NRG1: variants seen among roughly 807,000 people sequenced by gnomAD.
NRG1 encodes neuregulin 1.
A neutral mutation model predicts 63.8 loss-of-function variants in NRG1; 18 were observed. The ratio of observed to expected loss-of-function variants is 0.28; its 90% confidence interval spans 0.19 to 0.42. NRG1 has a LOEUF of 0.42. NRG1 is among the 10% of genes least tolerant of loss of function. The pLI is 1.00. For missense variants in NRG1, 762 were observed against 814.7 expected (o/e 0.94, Z 0.79); for synonymous variants, 302 against 301.3 (o/e 1.00, Z -0.02).
chr8:32,141,152 T>C (rs2131728836), intron 1 of NRG1, among the ~76,000 whole-genome samples: 1 of 152,228 alleles, frequency 6.6e-6, no homozygotes, highest in South Asian at 2.1e-4. Flanking sequence ...AAAAAATATG[T>C]AGTAGTGGAT....
chr8:32,123,354 A>T (rs1294704702), intron 1 of NRG1, among the ~76,000 whole-genome samples: 1 of 151,844 alleles, frequency 6.6e-6, no homozygotes, highest in East Asian at 1.9e-4. Context: ...TGATGATTTT[A>T]TAAAGGGGAG....
Position 32,243,996 on chromosome 8 carries a change from A to C in NRG1, c.38-351832A>C, listed in dbSNP as rs945602331. ...GTTCATTGTTTAAGCCACGCAGTCTATGGTATTTTGTTATAGCTGCCTGAG... is the reference window on the plus strand; with the variant it reads ...GTTCATTGTTTAAGCCACGCAGTCTCTGGTATTTTGTTATAGCTGCCTGAG... On this transcript the variant is annotated intron_variant, in intron 1 of 10. Transcript: ENST00000519301. 5.3e-5 allele frequency among the ~76,000 whole-genome samples: 8 copies of C among 152,110 alleles called. No individual in the cohort carries two copies. In the East Asian group the frequency reaches 1.4e-3, roughly 26 times the overall value.
chr8:31,639,512 GGCTCTCTCCCTCGC>G, intron 1 of NRG1: 2 of 1,515,842 alleles, frequency 1.3e-6, no homozygotes, highest in Non-Finnish European at 1.8e-6. Context: ...CCGCCTCCAG[GGCTCTCTCCCTCGC>G]GCTCTCTCCC....
intron 1 of NRG1, among the ~76,000 whole-genome samples, chr8:32,526,055 G>A (rs892433266): frequency 2.6e-5 from 4 of 152,266 alleles, no homozygotes; most frequent in South Asian, 4.1e-4. Context: ...CATAAACTTA[G>A]TTGCTTAAAA....
intron 1 of NRG1, among the ~76,000 whole-genome samples, chr8:32,044,586 A>G (rs998543309): frequency 6.6e-6 from 1 of 151,818 alleles, no homozygotes; most frequent in African/African-American, 2.4e-5. Context: ...TGGCAAGTTC[A>G]TGGAATTGAA....
intron 1 of NRG1, among the ~76,000 whole-genome samples, chr8:31,943,296 C>T (rs767048377): frequency 7.9e-5 from 12 of 152,130 alleles, no homozygotes; most frequent in Non-Finnish European, 1.0e-4. Flanking sequence ...GAAAACCAAA[C>T]GTTGTATGTT....
chr8:31,971,924 AC>A (rs988212244), intron 1 of NRG1, among the ~76,000 whole-genome samples: 1 of 151,984 alleles, frequency 6.6e-6, no homozygotes, highest in Non-Finnish European at 1.5e-5. Context: ...CAAATTTCTT[AC>A]TTGTAGATGG....
At chr8:31,959,612 A>C (rs1413335891) in intron 1 of NRG1, among the ~76,000 whole-genome samples, 1 of 152,132 alleles carries the variant, frequency 6.6e-6, no homozygotes, top group Non-Finnish European at 1.5e-5. Context: ...ATTCTAGCTC[A>C]TAGTTAATCT....
At chr8:32,413,457 T>G (rs957713359) in intron 1 of NRG1, among the ~76,000 whole-genome samples, 2 of 152,200 alleles carry the variant, frequency 1.3e-5, no homozygotes, top group Non-Finnish European at 2.9e-5. Context: ...TAGCATTCCA[T>G]TTTTACTTCT....
chr8:32,324,730 T>G (rs1414818441), intron 1 of NRG1, among the ~76,000 whole-genome samples: 2 of 152,184 alleles, frequency 1.3e-5, no homozygotes, highest in Admixed American at 6.5e-5. Context: ...TCTCAATAGT[T>G]TTAGAAGAGC....
intron 1 of NRG1, among the ~76,000 whole-genome samples, chr8:31,643,704 T>G (rs1804019548): frequency 6.6e-6 from 1 of 152,212 alleles, no homozygotes; most frequent in South Asian, 2.1e-4. Context: ...AGAAATATCC[T>G]TGGGTTTTAT....
chr8:32,299,275 C>T lies in NRG1; in HGVS notation c.38-296553C>T, dbSNP rs193222055. Among the ~76,000 whole-genome samples, 437 of 152,152 alleles carry T rather than the reference C, an allele frequency of 2.9e-3. 1 individual carries two copies. The highest frequency in any genetic ancestry group is 7.8e-3 in the African/African-American group (323 of 41,526). On this transcript the variant is annotated intron_variant, in intron 1 of 10. Transcript: ENST00000519301. The stretch of plus-strand genomic sequence containing the variant: ...CTAAGAATTACCAAAAAAATAAAAA[C>T]AGAAAGCAAAAACATGTTTGCTTTC...
chr8:31,657,460 G>A (rs1205134111), intron 1 of NRG1, among the ~76,000 whole-genome samples: 1 of 152,132 alleles, frequency 6.6e-6, no homozygotes, highest in Non-Finnish European at 1.5e-5. Context: ...TGTAAAATGG[G>A]TTGCATATTA....
intron 1 of NRG1, among the ~76,000 whole-genome samples, chr8:32,021,063 T>C (rs575865321): frequency 1.3e-5 from 2 of 152,364 alleles, no homozygotes; most frequent in African/African-American, 4.8e-5. Context: ...AATTGCGTTA[T>C]ATGTTTAAGC....
At chr8:32,723,197 G>A (rs1160175939) in intron 5 of NRG1, among the ~76,000 whole-genome samples, 1 of 152,128 alleles carries the variant, frequency 6.6e-6, no homozygotes, top group East Asian at 1.9e-4. Context: ...GGTAGATAGA[G>A]AGAAGTCCCA....
chr8:31,927,755 T>G (rs942953105), intron 1 of NRG1, among the ~76,000 whole-genome samples: 9 of 151,642 alleles, frequency 5.9e-5, no homozygotes, highest in African/African-American at 1.4e-4. Flanking sequence ...GCCTACTTTT[T>G]TTTTTAAAGA....
chr8:32,292,167 A>T (rs1854282272), intron 1 of NRG1, among the ~76,000 whole-genome samples: 1 of 152,204 alleles, frequency 6.6e-6, no homozygotes, highest in Non-Finnish European at 1.5e-5. Context: ...ACTTTATACT[A>T]TGATCTTAAA....
At chr8:32,694,504 T>C (rs1812720616) in intron 5 of NRG1, among the ~76,000 whole-genome samples, 1 of 152,242 alleles carries the variant, frequency 6.6e-6, no homozygotes, top group Admixed American at 6.5e-5. Context: ...GATCAGTTCC[T>C]TGTTTTTTCT....
chr8:32,150,656 A>C (rs2131821662), intron 1 of NRG1, among the ~76,000 whole-genome samples: 1 of 152,268 alleles, frequency 6.6e-6, no homozygotes, highest in South Asian at 2.1e-4. Flanking sequence ...TAAATGACTC[A>C]GTCTAAGAAG....
Sources: allele counts gnomAD v4.1 joint callset (sites outside exome capture counted in the v4.1 genomes callset), GRCh38; gene constraint gnomAD v4.1.1; transcripts MANE v1.5; gene names NCBI Gene and HGNC (gene_info 2026-07-23, HGNC 2026-07-21).